The following SEMA3A variants were observed in gnomAD, a reference collection of about 807,000 sequenced individuals.
SEMA3A encodes semaphorin 3A.
In SEMA3A, 29 loss-of-function variants were observed where a neutral mutation model predicts 97.9. The observed-to-expected ratio is 0.30, with a 90% CI of 0.22 to 0.40. SEMA3A has a LOEUF of 0.40. SEMA3A is among the 10% of genes least tolerant of loss of function. The pLI, the probability that SEMA3A is intolerant of heterozygous loss-of-function variation, is 1.00. For missense variants in SEMA3A, 763 were observed against 951.3 expected (o/e 0.80, Z 2.60); for synonymous variants, 321 against 323.7 (o/e 0.99, Z 0.09).
intron 6 of SEMA3A, among the ~76,000 whole-genome samples, chr7:84,040,610 G>A (rs772932598): frequency 6.6e-6 from 1 of 151,998 alleles, no homozygotes; most frequent in African/African-American, 2.4e-5. Context: ...GTCACACCAT[G>A]GTTACATGCA....
intron 3 of SEMA3A, among the ~76,000 whole-genome samples, chr7:84,271,706 T>C (rs1800156835): frequency 6.6e-6 from 1 of 151,982 alleles, no homozygotes; most frequent in East Asian, 1.9e-4. Context: ...CAACCATGAC[T>C]CCCTTTTTAA....
intron 2 of SEMA3A, among the ~76,000 whole-genome samples, chr7:84,352,564 G>T (rs1263073732): frequency 6.6e-6 from 1 of 151,640 alleles, no homozygotes; most frequent in Non-Finnish European, 1.5e-5. Flanking sequence ...ATGAAAATTT[G>T]GCCAAATTTT....
intron 12 of SEMA3A, among the ~76,000 whole-genome samples, chr7:83,991,292 T>C (rs1218697560): frequency 3.6e-4 from 55 of 152,040 alleles, no homozygotes; most frequent in Non-Finnish European, 6.8e-4. Context: ...TCCTCTTTTC[T>C]TAATTGAATA....
intron 1 of SEMA3A, among the ~76,000 whole-genome samples, chr7:84,143,964 C>CTA: frequency 6.8e-6 from 1 of 147,250 alleles, no homozygotes; most frequent in African/African-American, 2.5e-5. Context: ...CACACACACA[C>CTA]ACACACACAC....
intron 1 of SEMA3A, among the ~76,000 whole-genome samples, chr7:84,162,002 T>A (rs1201814044): frequency 2.0e-5 from 3 of 151,862 alleles, no homozygotes; most frequent in Admixed American, 6.6e-5. Context: ...CCAATCCTTC[T>A]TAAGTATACA....
chr7:84,018,652 T>G (rs569071122), intron 6 of SEMA3A, among the ~76,000 whole-genome samples: 1 of 152,164 alleles, frequency 6.6e-6, no homozygotes, highest in East Asian at 1.9e-4. Flanking sequence ...ACCAGAAACA[T>G]CTCAGGTGAA....
At chr7:84,492,156 G>A (rs988487122) in intron 1 of SEMA3A, among the ~76,000 whole-genome samples, 1 of 152,068 alleles carries the variant, frequency 6.6e-6, no homozygotes, top group Admixed American at 6.6e-5. Context: ...ATTTTTGACA[G>A]TAATAAAGGA....
At chr7:83,988,421 G>T (rs540161027) in intron 12 of SEMA3A, among the ~76,000 whole-genome samples, 1 of 152,082 alleles carries the variant, frequency 6.6e-6, no homozygotes, top group East Asian at 1.9e-4. Flanking sequence ...TAGAGATGGG[G>T]TTTCACCATG....
Position 84,194,471 on chromosome 7 carries a change from T to A in SEMA3A, c.112+4A>T, listed in dbSNP as rs1188951174. On this transcript the variant is annotated splice_donor_region_variant and intron_variant, in intron 1 of 16. Coordinates refer to ENST00000265362, the MANE Select transcript of SEMA3A (RefSeq NM_006080.3). ...TAACCAAATAAAAGAAAAATAAGAT[T>A]TACCTTTGTAGGATAATTTCAGCCT... 2 of 1,587,688 alleles carry A rather than the reference T, an allele frequency of 1.3e-6. No homozygotes were observed.
At chr7:84,417,699 T>C (rs1379538104) in intron 1 of SEMA3A, among the ~76,000 whole-genome samples, 1 of 152,124 alleles carries the variant, frequency 6.6e-6, no homozygotes, top group Non-Finnish European at 1.5e-5. Context: ...AGTTATTCCT[T>C]AACATCACCT....
intron 3 of SEMA3A, among the ~76,000 whole-genome samples, chr7:84,205,344 T>C (rs942923291): frequency 3.9e-5 from 6 of 152,226 alleles, no homozygotes; most frequent in African/African-American, 1.4e-4. Context: ...TTTTCCATTC[T>C]GGTGGAATTT....
intron 1 of SEMA3A, among the ~76,000 whole-genome samples, chr7:84,403,331 T>A (rs891804206): frequency 5.3e-5 from 8 of 152,094 alleles, no homozygotes; most frequent in African/African-American, 1.7e-4. Context: ...AACTGCAAGG[T>A]GGCAGCGAGG....
chr7:84,030,310 C>T (rs1210058495), intron 6 of SEMA3A, among the ~76,000 whole-genome samples: 1 of 152,104 alleles, frequency 6.6e-6, no homozygotes, highest in Non-Finnish European at 1.5e-5. Context: ...CATGGTATTT[C>T]CTAACCTACC....
At chr7:84,376,270 T>G (rs2116119758) in intron 1 of SEMA3A, among the ~76,000 whole-genome samples, 1 of 152,244 alleles carries the variant, frequency 6.6e-6, no homozygotes, top group Admixed American at 6.5e-5. Flanking sequence ...TTCACACTGT[T>G]TTTTATGGTT....
intron 5 of SEMA3A, among the ~76,000 whole-genome samples, chr7:84,056,282 A>G (rs555188156): frequency 2.6e-5 from 4 of 152,220 alleles, no homozygotes; most frequent in African/African-American, 9.6e-5. Context: ...GTACGTATTA[A>G]AAACAAAAGT....
At position 83,981,397 on chromosome 7, in the gene SEMA3A, C is replaced by T. The variant is rs1221651164; in HGVS notation, c.1576G>A (p.Glu526Lys). The T allele has an allele frequency of 1.9e-6, 3 of 1,613,850 alleles. No individual in the cohort carries two copies. The highest frequency in any genetic ancestry group is 1.7e-5 in the Admixed American group (1 of 60,002). The part of the protein sequence containing the change: ...RCDIYGKACA[E>K]CCLARDPYCA... ...TAAGGGTCTCGGGCGAGGCAACACT[C>T]AGCACACGCTTTCCCGTAAATATCA... Residue 526 changes from glutamate to lysine, a missense_variant, in exon 14 of 17, where the codon GAG becomes AAG. Glu to Lys is a moderately conservative substitution (Grantham distance 56). This residue lies in a region of SEMA3A where 678 missense variants were observed against 881.3 expected (regional missense o/e 0.77). Coordinates refer to ENST00000265362, the MANE Select transcript of SEMA3A (RefSeq NM_006080.3).
intron 4 of SEMA3A, among the ~76,000 whole-genome samples, chr7:84,068,145 ACAT>A (rs1021637863): frequency 3.6e-5 from 5 of 138,234 alleles, no homozygotes; most frequent in Non-Finnish European, 7.6e-5. Context: ...AAATTGGAAA[ACAT>A]CATTCTCAGT....
intron 4 of SEMA3A, among the ~76,000 whole-genome samples, chr7:84,107,044 C>T (rs1795129893): frequency 6.6e-6 from 1 of 152,108 alleles, no homozygotes; most frequent in Non-Finnish European, 1.5e-5. Flanking sequence ...AAAAATAAGT[C>T]CTTTATCTGA....
chr7:84,418,237 T>A (rs1804486647), intron 1 of SEMA3A, among the ~76,000 whole-genome samples: 1 of 152,044 alleles, frequency 6.6e-6, no homozygotes, highest in Non-Finnish European at 1.5e-5. Context: ...GACACACAGT[T>A]CCACCTGACT....
Sources: gnomAD v4.1 joint callset for allele counts (sites outside exome capture counted in the v4.1 genomes callset) on GRCh38, gnomAD v4.1.1 for gene constraint, gnomAD v4.1.1 regional missense constraint, MANE v1.5 for transcripts, NCBI Gene and HGNC (gene_info 2026-07-23, HGNC 2026-07-21) for gene names.